NFATC1: variants seen among roughly 807,000 people sequenced by gnomAD.
NFATC1 encodes nuclear factor of activated T cells 1, also known as nuclear factor of activated T-cells, cytoplasmic 1.
Under a neutral mutation model 76.0 loss-of-function variants are expected in NFATC1, and 22 were observed. The observed-to-expected ratio is 0.29, with a 90% CI of 0.21 to 0.41. The LOEUF is 0.41. NFATC1 is among the 10% of genes least tolerant of loss of function. NFATC1 has a pLI of 1.00. For missense variants in NFATC1, 1,357 were observed against 1,337.7 expected (o/e 1.01, Z -0.23); for synonymous variants, 704 against 613.1 (o/e 1.15, Z -2.19).
At chr18:79,435,690 CTGAGAGGA>C (rs1235135245) in intron 3 of NFATC1, among the ~76,000 whole-genome samples, 1 of 152,228 alleles carries the variant, frequency 6.6e-6, no homozygotes, top group African/African-American at 2.4e-5. Flanking sequence ...ACAGATGCCA[CTGAGAGGA>C]TCCAGGTGTT....
intron 8 of NFATC1, chr18:79,470,133 T>C (rs2088717167): frequency 2.7e-6 from 1 of 372,504 alleles, no homozygotes; most frequent in Non-Finnish European, 3.7e-6. Flanking sequence ...TGTGCATCTG[T>C]GTCTTGGGGT....
rs199503337 is a variant in NFATC1 at position 79,410,857 on chromosome 18, G to T, written c.582G>T (p.Ser194=). 2 of 1,610,140 alleles carry T rather than the reference G, an allele frequency of 1.2e-6. No homozygotes were observed. The highest frequency in any genetic ancestry group is 2.7e-5 in the African/African-American group (2 of 75,002). ...SEASSYESNY[S]YPYASPQTSP... is the part of the protein sequence containing the mutation. Reference sequence around the variant, plus strand: ...CCTCCTCCTACGAGTCCAACTACTCGTACCCGTACGCGTCCCCCCAGACGT... The same window carrying T: ...CCTCCTCCTACGAGTCCAACTACTCTTACCCGTACGCGTCCCCCCAGACGT... Residue 194 remains serine (S), a synonymous_variant, in exon 2 of 10, where the codon TCG becomes TCT. Coordinates refer to ENST00000427363, the MANE Select transcript of NFATC1 (RefSeq NM_001278669.2). The surrounding 1 kb of genome is among the most constrained non-coding windows in gnomAD (Gnocchi z 6.7).
chr18:79,402,525 G>A (rs652730), intron 1 of NFATC1, among the ~76,000 whole-genome samples: 135,836 of 152,254 alleles, frequency 0.89, 60,745 homozygotes, highest in East Asian at 1. Flanking sequence ...GCCCCGCAGA[G>A]CTGGGCTGCT....
At chr18:79,436,447 T>C (rs1262856557) in intron 3 of NFATC1, among the ~76,000 whole-genome samples, 1 of 151,178 alleles carries the variant, frequency 6.6e-6, no homozygotes, top group East Asian at 2.0e-4. Flanking sequence ...CCCTGGAGGG[T>C]GGCGGGGGGC....
intron 9 of NFATC1, among the ~76,000 whole-genome samples, chr18:79,519,870 T>C (rs1481260603): frequency 6.6e-6 from 1 of 152,212 alleles, no homozygotes; most frequent in Non-Finnish European, 1.5e-5. Context: ...AGAGGCCCTG[T>C]TAGTCACAGC....
chr18:79,514,908 G>A (rs1322459727), intron 9 of NFATC1, among the ~76,000 whole-genome samples: 2 of 152,046 alleles, frequency 1.3e-5, no homozygotes, highest in Non-Finnish European at 2.9e-5. Flanking sequence ...GCCAGGCATG[G>A]TAGCATGCAC....
intron 9 of NFATC1, chr18:79,493,603 T>C (rs2089763994): frequency 6.6e-6 from 1 of 152,162 alleles, no homozygotes; most frequent in South Asian, 2.1e-4. Context: ...AACGGGCCCC[T>C]CGCCCGCCCC....
rs532638287 is a variant in NFATC1 at position 79,520,345 on chromosome 18, G to A, written c.2783-7183G>A. 4.2e-3 allele frequency among the ~76,000 whole-genome samples: 633 copies of A among 152,080 alleles called. 4 individuals are homozygous for A. Among genetic ancestry groups the A allele is most frequent in the Middle Eastern group, 6.8e-3 (2 of 294 alleles). On this transcript the variant is annotated intron_variant, in intron 9 of 9. Coordinates refer to ENST00000427363, the MANE Select transcript of NFATC1 (RefSeq NM_001278669.2). ...TTGATTTCAGAACAGGGGAGATGCTGACGTGTCCCGGTGGCTCTCACAGCA... is the reference window on the plus strand; with the variant it reads ...TTGATTTCAGAACAGGGGAGATGCTAACGTGTCCCGGTGGCTCTCACAGCA...
intron 9 of NFATC1, among the ~76,000 whole-genome samples, chr18:79,499,276 A>G (rs4799059): frequency 4.6e-5 from 7 of 152,244 alleles, no homozygotes; most frequent in Admixed American, 4.6e-4. Flanking sequence ...TTCATCTGAA[A>G]TAGACTGTTT....
intron 6 of NFATC1, among the ~76,000 whole-genome samples, chr18:79,460,266 C>T (rs1462410304): frequency 6.6e-6 from 1 of 152,244 alleles, no homozygotes; most frequent in African/African-American, 2.4e-5. Context: ...AACAGACACA[C>T]ATTTTCTTCT....
In NFATC1 at chr18:79,508,168, T is replaced by C. The variant is rs536492966; in HGVS notation, c.2783-19360T>C. ...AGATTGTTTTCTGGGATTCCCAGACTCCCAGTGCAGCTGAGTTATTTCCTC... is the reference window on the plus strand; with the variant it reads ...AGATTGTTTTCTGGGATTCCCAGACCCCCAGTGCAGCTGAGTTATTTCCTC... On this transcript the variant is annotated intron_variant, in intron 9 of 9. Coordinates refer to ENST00000427363, the MANE Select transcript of NFATC1 (RefSeq NM_001278669.2). Among the ~76,000 whole-genome samples the C allele has an allele frequency of 2.2e-4, 33 of 152,272 alleles. 2 individuals are homozygous for C. In the East Asian group the frequency reaches 5.8e-3, roughly 27 times the overall value.
chr18:79,437,093 A>G (rs2086807025), intron 3 of NFATC1, among the ~76,000 whole-genome samples: 1 of 152,164 alleles, frequency 6.6e-6, no homozygotes, highest in Non-Finnish European at 1.5e-5. Context: ...TGGGTGGTTC[A>G]GGATGGCCGG....
chr18:79,423,514 T>C (rs1445536307), intron 2 of NFATC1, among the ~76,000 whole-genome samples: 1 of 152,178 alleles, frequency 6.6e-6, no homozygotes, highest in Non-Finnish European at 1.5e-5. Flanking sequence ...CCAGGGTCAT[T>C]GCCCGTGGCC....
chr18:79,498,003 T>G (rs2089931548), intron 9 of NFATC1: 1 of 125,720 alleles, frequency 8.0e-6, no homozygotes, highest in Admixed American at 9.3e-5. Context: ...AAGTCATGAG[T>G]CACATAAGCA....
At chr18:79,490,502 G>A (rs1271349178) in intron 9 of NFATC1, among the ~76,000 whole-genome samples, 14 of 152,106 alleles carry the variant, frequency 9.2e-5, no homozygotes, top group Admixed American at 5.9e-4. Flanking sequence ...TGACATTGCC[G>A]CCACCCTGGG....
intron 8 of NFATC1, among the ~76,000 whole-genome samples, chr18:79,484,374 A>C (rs2089434433): frequency 6.6e-6 from 1 of 152,056 alleles, no homozygotes; most frequent in Non-Finnish European, 1.5e-5. Context: ...CCTTGGAATC[A>C]CAATGGCCCC....
chr18:79,466,753 C>G (rs2144921571), intron 7 of NFATC1, among the ~76,000 whole-genome samples: 1 of 152,326 alleles, frequency 6.6e-6, no homozygotes, highest in Non-Finnish European at 1.5e-5. Flanking sequence ...TGGGGTCTGA[C>G]TGAGGGCCTC....
intron 7 of NFATC1, among the ~76,000 whole-genome samples, chr18:79,463,038 C>G (rs1050081266): frequency 2.6e-5 from 4 of 152,266 alleles, no homozygotes; most frequent in Admixed American, 6.5e-5. Context: ...GTGGCTCTGT[C>G]AGAAAGCAGC....
intron 8 of NFATC1, among the ~76,000 whole-genome samples, chr18:79,483,806 C>T (rs184843981): frequency 2.4e-4 from 33 of 135,400 alleles, no homozygotes; most frequent in Middle Eastern, 0.01. Context: ...TGAGGTGTCA[C>T]TCCAGCGTGA....
Sources: gnomAD v4.1 joint callset for allele counts (sites outside exome capture counted in the v4.1 genomes callset) on GRCh38, gnomAD v4.1.1 for gene constraint, Gnocchi (gnomAD v3.1) non-coding constraint, MANE v1.5 for transcripts, NCBI Gene and HGNC (gene_info 2026-07-23, HGNC 2026-07-21) for gene names.